NEO1: variants seen among roughly 807,000 people sequenced by gnomAD.
NEO1 encodes neogenin.
NEO1 carries 63 observed loss-of-function variants against 159.7 expected under a neutral mutation model. The observed-to-expected ratio is 0.39, with a 90% CI of 0.32 to 0.49. NEO1 has a LOEUF of 0.49. Among genes scored for constraint, NEO1 ranks in the 20% least tolerant of loss-of-function variants. The pLI is 0.85. For missense variants in NEO1, 1,615 were observed against 1,831.0 expected (o/e 0.88, Z 2.15); for synonymous variants, 633 against 662.0 (o/e 0.96, Z 0.67).
intron 16 of NEO1, among the ~76,000 whole-genome samples, chr15:73,267,608 A>G (rs1368716786): frequency 1.5e-5 from 2 of 133,416 alleles, no homozygotes; most frequent in African/African-American, 5.8e-5. Flanking sequence ...CTCATTGTTC[A>G]GCTCCCACCT....
At chr15:73,122,144 A>G (rs2151652589) in intron 2 of NEO1, among the ~76,000 whole-genome samples, 1 of 148,520 alleles carries the variant, frequency 6.7e-6, no homozygotes, top group African/African-American at 2.5e-5. Flanking sequence ...AAGACTAGAC[A>G]AAATGTGTAC....
intron 7 of NEO1, 119 bp from the exon 8 acceptor site, chr15:73,236,228 T>C: frequency 2.2e-6 from 3 of 1,391,186 alleles, no homozygotes; most frequent in Middle Eastern, 1.8e-4. Flanking sequence ...TTTTCTGTTC[T>C]CTTTTTTAAA....
intron 1 of NEO1, among the ~76,000 whole-genome samples, chr15:73,099,232 A>G (rs768049253): frequency 5.3e-5 from 8 of 152,254 alleles, no homozygotes; most frequent in African/African-American, 9.6e-5. Context: ...CTTTTCTTCA[A>G]TATTATTTTG....
At chr15:73,219,366 G>A (rs1354785843) in intron 7 of NEO1, among the ~76,000 whole-genome samples, 1 of 144,798 alleles carries the variant, frequency 6.9e-6, no homozygotes, top group South Asian at 2.3e-4. Flanking sequence ...TTTGTAATAG[G>A]TGTGGTGTGG....
intron 5 of NEO1, among the ~76,000 whole-genome samples, chr15:73,143,814 AC>A (rs1161746187): frequency 6.6e-6 from 1 of 151,914 alleles, no homozygotes; most frequent in African/African-American, 2.4e-5. Context: ...AGTTTACTTG[AC>A]CCCTCTGTGA....
intron 19 of NEO1, 40 bp from the exon 20 acceptor site, chr15:73,273,771 C>A (rs2041284530): frequency 4.0e-6 from 6 of 1,505,454 alleles, no homozygotes; most frequent in South Asian, 1.2e-5. Context: ...AAAGGAAAAG[C>A]AGGAGTGAGA....
intron 25 of NEO1, among the ~76,000 whole-genome samples, chr15:73,291,879 A>G (rs867269052): frequency 9.9e-5 from 15 of 152,164 alleles, no homozygotes; most frequent in African/African-American, 2.9e-4. Context: ...GTACTTTCCT[A>G]GGTAAAAATC....
intron 1 of NEO1, among the ~76,000 whole-genome samples, chr15:73,102,508 G>A (rs1274838305): frequency 6.6e-6 from 1 of 152,132 alleles, no homozygotes; most frequent in Non-Finnish European, 1.5e-5. Flanking sequence ...GACTACATTA[G>A]AGCTGTTCTT....
chr15:73,080,155 C>T (rs140926887), intron 1 of NEO1, among the ~76,000 whole-genome samples: 100 of 152,244 alleles, frequency 6.6e-4, no homozygotes, highest in Non-Finnish European at 8.7e-4. Context: ...GCCTTTCCCC[C>T]ATTGATTCCA....
chr15:73,096,998 G>T (rs1231328126), intron 1 of NEO1, among the ~76,000 whole-genome samples: 1 of 152,036 alleles, frequency 6.6e-6, no homozygotes, highest in Admixed American at 6.5e-5. Context: ...GGTAGCATGT[G>T]CCTGTGGTCC....
At chr15:73,055,149 A>G (rs557351686) in intron 1 of NEO1, among the ~76,000 whole-genome samples, 2 of 152,322 alleles carry the variant, frequency 1.3e-5, no homozygotes, top group Non-Finnish European at 2.9e-5. Flanking sequence ...ATAATCTGGT[A>G]TTCTGAAAAA....
At chr15:73,206,344 GTGTTAAT>G (rs2037224470) in intron 7 of NEO1, among the ~76,000 whole-genome samples, 1 of 151,840 alleles carries the variant, frequency 6.6e-6, no homozygotes, top group East Asian at 1.9e-4. Context: ...CTCTTTCATT[GTGTTAAT>G]TGTTAATTCT....
intron 1 of NEO1, among the ~76,000 whole-genome samples, chr15:73,074,380 T>C (rs2068672610): frequency 6.6e-6 from 1 of 152,206 alleles, no homozygotes; most frequent in Admixed American, 6.5e-5. Flanking sequence ...TTCTAATCTC[T>C]CTGACTGTTT....
chr15:73,173,493 T>C (rs756312708), intron 5 of NEO1, among the ~76,000 whole-genome samples: 4 of 152,170 alleles, frequency 2.6e-5, no homozygotes, highest in Non-Finnish European at 2.9e-5. Flanking sequence ...TTGCCAGATA[T>C]ATGTAAAGCT....
intron 5 of NEO1, among the ~76,000 whole-genome samples, chr15:73,171,095 G>A (rs4564531): frequency 0.83 from 126,929 of 152,028 alleles, 54,849 homozygotes; most frequent in Non-Finnish European, 0.94. Context: ...ATGGCAATGT[G>A]GTCAGCAAAA....
At position 73,200,262 on chromosome 15, in the gene NEO1, T is replaced by A. The variant is rs747497255; in HGVS notation, c.1291+21835T>A. The stretch of plus-strand genomic sequence containing the variant: ...TTCAGGTTATCTGTTTATCCTTGTA[T>A]GAATTTTTGTAATTTGTGTCTTTTA... On this transcript the variant is annotated intron_variant, in intron 7 of 28. Transcript: ENST00000261908. Among the ~76,000 whole-genome samples, 9 of 152,248 alleles carry A rather than the reference T, an allele frequency of 5.9e-5. No homozygotes were observed. In the South Asian group the frequency reaches 1.7e-3, roughly 28 times the overall value.
intron 5 of NEO1, among the ~76,000 whole-genome samples, chr15:73,159,528 A>C (rs1347485611): frequency 5.3e-5 from 8 of 152,122 alleles, no homozygotes; most frequent in Admixed American, 5.2e-4. Context: ...CGAAAACCAC[A>C]TAAATATATC....
At chr15:73,183,827 G>A (rs565116396) in intron 7 of NEO1, among the ~76,000 whole-genome samples, 1 of 152,266 alleles carries the variant, frequency 6.6e-6, no homozygotes, top group Admixed American at 6.5e-5. Context: ...AGAGGAATTT[G>A]AAACCTATAG....
At chr15:73,095,572 A>G (rs1459129019) in intron 1 of NEO1, among the ~76,000 whole-genome samples, 3 of 152,146 alleles carry the variant, frequency 2.0e-5, no homozygotes, top group Non-Finnish European at 4.4e-5. Context: ...GAACAGTTTG[A>G]TGGGGAAAGA....
Sources: gnomAD v4.1 joint callset for allele counts (sites outside exome capture counted in the v4.1 genomes callset) on GRCh38, gnomAD v4.1.1 for gene constraint, MANE v1.5 for transcripts, NCBI Gene and HGNC (gene_info 2026-07-23, HGNC 2026-07-21) for gene names.